CAMTA1: variants seen among roughly 807,000 people sequenced by gnomAD.
CAMTA1 encodes calmodulin binding transcription activator 1.
A neutral mutation model predicts 170.9 loss-of-function variants in CAMTA1; 27 were observed. The observed-to-expected ratio is 0.16, with a 90% CI of 0.12 to 0.22. The LOEUF (loss-of-function observed/expected upper bound fraction) is 0.22. Among genes scored for constraint, CAMTA1 ranks in the 10% least tolerant of loss-of-function variants. CAMTA1 has a pLI of 1.00. For missense variants in CAMTA1, 1,619 were observed against 2,217.2 expected (o/e 0.73, Z 5.42); for synonymous variants, 833 against 891.5 (o/e 0.93, Z 1.17).
chr1:7,039,577 T>C (rs1253027848), intron 3 of CAMTA1, among the ~76,000 whole-genome samples: 1 of 152,132 alleles, frequency 6.6e-6, no homozygotes, highest in East Asian at 1.9e-4. Flanking sequence ...TGTAGGTATG[T>C]GGGGCGATTT....
rs184754427 is a variant in CAMTA1, at chr1:7,246,800, G to A, written c.303-2691G>A. 5.0e-4 allele frequency among the ~76,000 whole-genome samples: 76 copies of A among 151,160 alleles called. 1 individual carries two copies. Among genetic ancestry groups the A allele is most frequent in the Admixed American group, 3.7e-3 (56 of 15,118 alleles). On this transcript the variant is annotated intron_variant, in intron 4 of 22. Coordinates refer to ENST00000303635, the MANE Select transcript of CAMTA1 (RefSeq NM_015215.4). ...TCCTGCCTCAGCCTCCTGGGTAGCT[G>A]GAATTACAGGTGCCTGCCACCATGC...
intron 4 of CAMTA1, among the ~76,000 whole-genome samples, chr1:7,100,394 T>A (rs1642575128): frequency 6.6e-6 from 1 of 152,200 alleles, no homozygotes; most frequent in South Asian, 2.1e-4. Flanking sequence ...CTCACTGGCC[T>A]TTGCCCAGAG....
chr1:7,018,936 T>A (rs1251085974), intron 3 of CAMTA1, among the ~76,000 whole-genome samples: 4 of 152,156 alleles, frequency 2.6e-5, no homozygotes, highest in Admixed American at 2.0e-4. Context: ...AGAAGGCCCG[T>A]CTGCAGAGGG....
rs980895713 is a variant in CAMTA1 at position 7,113,659 on chromosome 1, G to A, written c.302+22288G>A. On this transcript the variant is annotated intron_variant, in intron 4 of 22. Transcript: ENST00000303635. This position sits in a 1 kb window ranked among gnomAD's most constrained non-coding sequence, Gnocchi z 4.5. ...ATTCTAACATGGTAATGAGGAAGCG[G>A]CTTTTGTCCAAGAGGTGAGATATGC... 2.0e-5 allele frequency among the ~76,000 whole-genome samples: 3 copies of A among 152,196 alleles called. No individual in the cohort carries two copies. Among genetic ancestry groups the A allele is most frequent in the Admixed American group, 2.0e-4 (3 of 15,284 alleles).
intron 6 of CAMTA1, among the ~76,000 whole-genome samples, chr1:7,498,195 T>TGTTG (rs2093865811): frequency 2.0e-5 from 2 of 101,210 alleles, no homozygotes; most frequent in African/African-American, 8.2e-5. Context: ...AGAGTGAGTG[T>TGTTG]GTGTGTGTGT....
At chr1:7,521,014 T>G (rs2094358644) in intron 6 of CAMTA1, among the ~76,000 whole-genome samples, 1 of 152,168 alleles carries the variant, frequency 6.6e-6, no homozygotes, top group African/African-American at 2.4e-5. Context: ...TCTTCAATCC[T>G]GTATTGCTTG....
chr1:7,103,713 TG>T (rs1643123810), intron 4 of CAMTA1, among the ~76,000 whole-genome samples: 1 of 144,762 alleles, frequency 6.9e-6, no homozygotes, highest in South Asian at 2.2e-4. Flanking sequence ...TATGTATACA[TG>T]ACACACATGT....
chr1:6,903,641 C>T (rs940088654), intron 3 of CAMTA1, among the ~76,000 whole-genome samples: 2 of 152,198 alleles, frequency 1.3e-5, no homozygotes, highest in African/African-American at 2.4e-5. Flanking sequence ...GTGAGTAACC[C>T]ATGTTTCTGA....
At chr1:7,187,712 A>C (rs1653673202) in intron 4 of CAMTA1, among the ~76,000 whole-genome samples, 1 of 152,138 alleles carries the variant, frequency 6.6e-6, no homozygotes, top group Non-Finnish European at 1.5e-5. Flanking sequence ...ACCAACCTTC[A>C]TTATCTTTGC....
At chr1:7,380,654 G>A (rs927336590) in intron 5 of CAMTA1, among the ~76,000 whole-genome samples, 2 of 152,224 alleles carry the variant, frequency 1.3e-5, no homozygotes, top group African/African-American at 4.8e-5. Flanking sequence ...TTAGGGCCTA[G>A]TTCCATCAGG....
intron 4 of CAMTA1, among the ~76,000 whole-genome samples, chr1:7,134,340 G>C (rs1174276236): frequency 1.3e-5 from 2 of 152,014 alleles, no homozygotes; most frequent in African/African-American, 4.8e-5. Context: ...TGTCACCCAG[G>C]CTGGAGTGCA....
chr1:7,407,222 G>A (rs1190390865), intron 5 of CAMTA1, among the ~76,000 whole-genome samples: 1 of 152,204 alleles, frequency 6.6e-6, no homozygotes, highest in Admixed American at 6.5e-5. Flanking sequence ...CTGTCGACTG[G>A]CAAGGTTACT....
At chr1:7,431,507 G>A (rs370964955) in intron 5 of CAMTA1, among the ~76,000 whole-genome samples, 24 of 152,258 alleles carry the variant, frequency 1.6e-4, no homozygotes, top group South Asian at 8.3e-4. Context: ...TGGGAAGAGC[G>A]TCCTGCCATA....
At chr1:7,099,725 C>A (rs1642499587) in intron 4 of CAMTA1, among the ~76,000 whole-genome samples, 1 of 152,130 alleles carries the variant, frequency 6.6e-6, no homozygotes, top group South Asian at 2.1e-4. Flanking sequence ...TCTCTGGAAC[C>A]ATCCGGGTTC....
chr1:7,258,598 G>C (rs1461019506), intron 5 of CAMTA1, among the ~76,000 whole-genome samples: 5 of 152,346 alleles, frequency 3.3e-5, no homozygotes, highest in Middle Eastern at 6.8e-3. Context: ...GCCTCACCCA[G>C]AAACCGGGCA....
At chr1:7,652,787 G>A in intron 7 of CAMTA1, among the ~76,000 whole-genome samples, 1 of 152,136 alleles carries the variant, frequency 6.6e-6, no homozygotes, top group Non-Finnish European at 1.5e-5. Context: ...CTGCTGTCCA[G>A]TCTTCCTCAC....
At chr1:7,436,142 C>T (rs2149383196) in intron 5 of CAMTA1, among the ~76,000 whole-genome samples, 1 of 152,344 alleles carries the variant, frequency 6.6e-6, no homozygotes, top group African/African-American at 2.4e-5. Context: ...CCCCTCGTCC[C>T]CCAGGCCCGG....
At chr1:7,719,659 C>T (rs368097261) in intron 11 of CAMTA1, among the ~76,000 whole-genome samples, 9 of 152,206 alleles carry the variant, frequency 5.9e-5, no homozygotes, top group Admixed American at 2.6e-4. Context: ...TGCCTCATCT[C>T]CACCCGGCCC....
chr1:7,164,568 A>G (rs1647971681), intron 4 of CAMTA1, among the ~76,000 whole-genome samples: 1 of 152,218 alleles, frequency 6.6e-6, no homozygotes, highest in African/African-American at 2.4e-5. Context: ...GCCCGTGCCT[A>G]GGACTGGCCC....
Sources: allele counts gnomAD v4.1 joint callset (sites outside exome capture counted in the v4.1 genomes callset), GRCh38; gene constraint gnomAD v4.1.1; non-coding constraint Gnocchi (gnomAD v3.1); transcripts MANE v1.5; gene names NCBI Gene and HGNC (gene_info 2026-07-23, HGNC 2026-07-21).